The following LCP2 variants were observed in gnomAD, a reference collection of about 807,000 sequenced individuals.
The protein encoded by LCP2 is lymphocyte cytosolic protein 2.
Under a neutral mutation model 74.5 loss-of-function variants are expected in LCP2, and 29 were observed. The ratio of observed to expected loss-of-function variants is 0.39; its 90% CI spans 0.29 to 0.53. LCP2 has a LOEUF of 0.53. Ranked by LOEUF, LCP2 falls within the 20% of genes least tolerant of loss-of-function variation. LCP2 has a pLI of 0.72. For synonymous variants in LCP2, 228 were observed against 229.5 expected (o/e 0.99, Z 0.06); for missense variants, 604 against 634.6 (o/e 0.95, Z 0.52).
At chr5:170,264,814 TA>T (rs1287018680) in intron 10 of LCP2, among the ~76,000 whole-genome samples, 1 of 37,984 alleles carries the variant, frequency 2.6e-5, no homozygotes, top group East Asian at 5.2e-3. Flanking sequence ...AAACTAAAAA[TA>T]AAAAAATAAA....
intron 13 of LCP2, among the ~76,000 whole-genome samples, chr5:170,262,048 T>G (rs1240534985): frequency 6.6e-6 from 1 of 152,206 alleles, no homozygotes; most frequent in Admixed American, 6.5e-5. Flanking sequence ...TTATGACCCC[T>G]GATTCACAAA....
At chr5:170,250,675 T>G in intron 20 of LCP2, 55 bp downstream of exon 20, 1 of 1,412,154 alleles carries the variant, frequency 7.1e-7, no homozygotes. Context: ...CATGAAGGCA[T>G]GCAGAGTGGC....
Position 170,297,751 on chromosome 5 carries a change from A to C in LCP2, c.-140T>G. On this transcript the variant is annotated 5_prime_UTR_variant, in exon 1 of 21. Coordinates refer to ENST00000046794, the MANE Select transcript of LCP2 (RefSeq NM_005565.5). ...CTGTGGAACACCCCTGTTGGAGCCG[A>C]TGTCTTTTCTGGCGTAGCCAGATCC... 1.7e-6 allele frequency: 1 copy of C among 593,182 alleles called. No individual in the cohort carries two copies. Among genetic ancestry groups the C allele is most frequent in the Non-Finnish European group, 2.9e-6 (1 of 347,724 alleles). 36.7% of individuals were successfully genotyped at this position (593,182 alleles called of 1,614,324 possible). A position where few individuals can be genotyped will look rare whatever the true frequency, so the allele number is the denominator to read the frequency against.
rs761615020 is a variant in LCP2 at position 170,248,520 on chromosome 5, T to G, written c.*177A>C. On this transcript the variant is annotated 3_prime_UTR_variant, in exon 21 of 21. Transcript: ENST00000046794. ...AAACATTGAAGAAGAATAAATAAATTATGGGATAGTTGACAGTCTTCATTT... is the reference window on the plus strand; with the variant it reads ...AAACATTGAAGAAGAATAAATAAATGATGGGATAGTTGACAGTCTTCATTT... 4.7e-6 allele frequency: 3 copies of G among 640,118 alleles called. No individual in the cohort carries two copies. Among genetic ancestry groups the G allele is most frequent in the Non-Finnish European group, 8.2e-6 (3 of 365,780 alleles). 39.7% of individuals were successfully genotyped at this position (640,118 alleles called of 1,614,324 possible). A position where few individuals can be genotyped will look rare whatever the true frequency, so the allele number is the denominator to read the frequency against.
intron 3 of LCP2, chr5:170,287,675 C>G (rs1487336674): frequency 6.8e-6 from 3 of 444,350 alleles, no homozygotes; most frequent in African/African-American, 5.9e-5. Context: ...GACACTGATG[C>G]TATTTTCACA....
At chr5:170,285,625 C>T (rs769166745) in intron 3 of LCP2, among the ~76,000 whole-genome samples, 104 of 152,184 alleles carry the variant, frequency 6.8e-4, no homozygotes, top group Non-Finnish European at 1.3e-3. Flanking sequence ...AAGGCAAGAT[C>T]CTTCTAGGCA....
At chr5:170,281,222 G>A (rs1188345835) in intron 3 of LCP2, among the ~76,000 whole-genome samples, 1 of 152,144 alleles carries the variant, frequency 6.6e-6, no homozygotes, top group East Asian at 1.9e-4. Flanking sequence ...GCCACTGAAT[G>A]GGACAGGGGA....
intron 8 of LCP2, among the ~76,000 whole-genome samples, chr5:170,267,900 T>G (rs958451613): frequency 4.6e-5 from 7 of 152,222 alleles, no homozygotes; most frequent in Non-Finnish European, 7.3e-5. Context: ...TATCAAGTCC[T>G]TAGTCTGAGC....
At chr5:170,261,740 G>C (rs965640637) in intron 13 of LCP2, among the ~76,000 whole-genome samples, 6 of 152,140 alleles carry the variant, frequency 3.9e-5, no homozygotes, top group Admixed American at 6.6e-5. Context: ...AGCTGCCTTA[G>C]GGCTGCGACA....
At chr5:170,252,193 G>A (rs1761460024) in intron 19 of LCP2, 1 of 339,728 alleles carries the variant, frequency 2.9e-6, no homozygotes, top group Non-Finnish European at 5.5e-6. Context: ...AATCTCCTAA[G>A]ATGCTGCCAA....
Position 170,283,379 on chromosome 5 carries a change from G to A in LCP2, c.188+4591C>T, listed in dbSNP as rs144610918. 2.0e-5 allele frequency among the ~76,000 whole-genome samples: 3 copies of A among 152,256 alleles called. No homozygotes were observed. The East Asian group carries it at 5.8e-4, about 29-fold the overall frequency. On this transcript the variant is annotated intron_variant, in intron 3 of 20. Transcript: ENST00000046794. ...AGCCAGAAGACATCAGTTGAGCTTA[G>A]CCTTAAGATGAAAAAGGATCTTCCA...
intron 3 of LCP2, among the ~76,000 whole-genome samples, chr5:170,280,919 G>A (rs1288138961): frequency 2.0e-5 from 3 of 152,114 alleles, no homozygotes; most frequent in South Asian, 4.1e-4. Flanking sequence ...CAGGAGAATC[G>A]CTTGAACCCA....
chr5:170,261,074 T>C (rs1761641053), intron 14 of LCP2, 33 bp downstream of exon 14: 6 of 1,541,802 alleles, frequency 3.9e-6, no homozygotes, highest in Non-Finnish European at 5.4e-6. Context: ...TTTCCCTGTA[T>C]CAAGCACTTA....
intron 3 of LCP2, among the ~76,000 whole-genome samples, chr5:170,281,504 T>G (rs1469351614): frequency 2.0e-5 from 3 of 152,160 alleles, no homozygotes; most frequent in East Asian, 1.9e-4. Context: ...ATGGTCTCGA[T>G]CTCCTGACCT....
At position 170,252,427 on chromosome 5, in the gene LCP2, A is replaced by G; in HGVS notation, c.1323+7T>C. On this transcript the variant is annotated splice_region_variant and intron_variant, in intron 19 of 20. Transcript: ENST00000046794. Reference sequence around the variant, plus strand: ...CAACTATGTTAAAATAAACTATAGCACAATACCTGGTTTATCTTTCTAAGA... The same window carrying G: ...CAACTATGTTAAAATAAACTATAGCGCAATACCTGGTTTATCTTTCTAAGA... 6.6e-7 allele frequency: 1 copy of G among 1,506,726 alleles called. No individual in the cohort carries two copies. Among genetic ancestry groups the G allele is most frequent in the Admixed American group, 1.7e-5 (1 of 57,364 alleles). The allele number at this position is 1,506,726 out of a possible 1,614,324, so 93.3% of individuals were successfully genotyped here.
At chr5:170,250,615 G>T (rs1761414142) in intron 20 of LCP2, 115 bp downstream of exon 20, 3 of 793,228 alleles carry the variant, frequency 3.8e-6, no homozygotes, top group Non-Finnish European at 2.2e-6. Flanking sequence ...CTTCACTCAT[G>T]TGATTTAATC....
chr5:170,291,226 A>AAGG (rs1561979324), intron 2 of LCP2, among the ~76,000 whole-genome samples: 16 of 52,994 alleles, frequency 3.0e-4, no homozygotes, highest in South Asian at 1.5e-3. Flanking sequence ...AGGAAGGAAG[A>AAGG]AAGGAAGGAA....
intron 10 of LCP2, among the ~76,000 whole-genome samples, chr5:170,263,702 T>C (rs1420117802): frequency 6.6e-6 from 1 of 152,254 alleles, no homozygotes; most frequent in East Asian, 1.9e-4. Context: ...AGAATAAATA[T>C]GCCCTTTGTC....
chr5:170,258,862 A>G lies in LCP2; in HGVS notation c.970+4T>C, dbSNP rs1761606686. 1.3e-6 allele frequency: 2 copies of G among 1,585,370 alleles called. No homozygotes were observed. The highest frequency in any genetic ancestry group is 2.2e-5 in the East Asian group (1 of 44,472). ...AGGCTGTAAGAATGTGTTTCCGAAC[A>G]TACCATCATCTTCATCCTGGGAAGG... On this transcript the variant is annotated splice_donor_region_variant and intron_variant, in intron 15 of 20. Transcript: ENST00000046794.
Sources: allele counts gnomAD v4.1 joint callset (sites outside exome capture counted in the v4.1 genomes callset), GRCh38; gene constraint gnomAD v4.1.1; transcripts MANE v1.5; gene names NCBI Gene and HGNC (gene_info 2026-07-23, HGNC 2026-07-21).